SEMA4B: variants seen among roughly 807,000 people sequenced by gnomAD.
The protein encoded by SEMA4B is semaphorin 4B, also known as semaphorin-4B.
Under a neutral mutation model 88.1 loss-of-function variants are expected in SEMA4B, and 55 were observed. The observed-to-expected ratio is 0.62, with a 90% CI of 0.50 to 0.78. The LOEUF (loss-of-function observed/expected upper bound fraction) is 0.78, where lower values mean the gene tolerates loss of function less well. Ranked by LOEUF, SEMA4B falls within the 30% of genes least tolerant of loss-of-function variation. The pLI, the probability that SEMA4B is intolerant of heterozygous loss-of-function variation, is 0.00. For missense variants in SEMA4B, 1,062 were observed against 1,111.9 expected (o/e 0.96, Z 0.64); for synonymous variants, 525 against 473.6 (o/e 1.11, Z -1.41).
At chr15:90,214,596 G>A (rs1961438276) in intron 1 of SEMA4B, among the ~76,000 whole-genome samples, 1 of 131,268 alleles carries the variant, frequency 7.6e-6, no homozygotes, top group Admixed American at 8.9e-5. Context: ...TTGTGCTATT[G>A]CACTCCAGCC....
Position 90,217,777 on chromosome 15 carries a change from G to T in SEMA4B, c.332G>T (p.Gly111Val). 1 of 1,613,538 alleles carries T rather than the reference G, an allele frequency of 6.2e-7. No homozygotes were observed. Among genetic ancestry groups the T allele is most frequent in the Non-Finnish European group, 8.5e-7 (1 of 1,179,672 alleles). The change falls in exon 3 of 14, where the codon GGT (glycine) becomes GTT (valine). Residue 111 changes from glycine to valine, a missense_variant. By Grantham distance (109) the Gly-to-Val change is moderately radical. Transcript: ENST00000411539. Reference protein sequence around the residue: ...PGGEYQELLWGADAEKKQQCS... With the variant: ...PGGEYQELLWVADAEKKQQCS... Reference sequence around the variant, plus strand: ...TTTCTCATTCCCCAGCTGCTTTGGGGTGCAGACGCAGAGAAGAAACAGCAG... The same window carrying T: ...TTTCTCATTCCCCAGCTGCTTTGGGTTGCAGACGCAGAGAAGAAACAGCAG...
At chr15:90,227,853 A>G (rs1962251295) in intron 13 of SEMA4B, 51 bp from the exon 14 acceptor site, 3 of 1,601,780 alleles carry the variant, frequency 1.9e-6, no homozygotes, top group Admixed American at 1.7e-5. Context: ...GGGAGCTTGG[A>G]GCTACTGTGG....
chr15:90,224,263 C>A (rs137944710), intron 9 of SEMA4B, among the ~76,000 whole-genome samples: 1 of 152,340 alleles, frequency 6.6e-6, no homozygotes, highest in East Asian at 1.9e-4. Context: ...TTCATTTGGT[C>A]CTCTCCCCTA....
rs1328221192 is a variant in SEMA4B, at chr15:90,215,876, G to A, written c.158-1563G>A. The stretch of plus-strand genomic sequence containing the variant: ...ATATATATATTTTTAAGTATAGAAG[G>A]GCTTATTATAAAAAGCAAAAACGTC... On this transcript the variant is annotated intron_variant, in intron 1 of 13. Coordinates refer to ENST00000411539, the MANE Select transcript of SEMA4B (RefSeq NM_198925.4). 2.6e-5 allele frequency among the ~76,000 whole-genome samples: 4 copies of A among 152,102 alleles called. No homozygotes were observed. The East Asian group carries it at 7.7e-4, about 29-fold the overall frequency.
Position 90,212,504 on chromosome 15 carries a change from G to C in SEMA4B, c.158-4935G>C, listed in dbSNP as rs74037026. 0.027 allele frequency among the ~76,000 whole-genome samples: 4,138 copies of C among 152,106 alleles called. 170 individuals are homozygous for C. The highest frequency in any genetic ancestry group is 0.088 in the African/African-American group (3,663 of 41,520). On this transcript the variant is annotated intron_variant, in intron 1 of 13. Coordinates refer to ENST00000411539, the MANE Select transcript of SEMA4B (RefSeq NM_198925.4). The surrounding 1 kb of genome is among the most constrained non-coding windows in gnomAD (Gnocchi z 4.0). ...GCGAGCGAGACACTCTTTGACACAA[G>C]GGAGAGCATAAAAGCTTAAGACTGA...
chr15:90,209,728 G>T (rs1961168475), intron 1 of SEMA4B, among the ~76,000 whole-genome samples: 1 of 152,336 alleles, frequency 6.6e-6, no homozygotes, highest in East Asian at 1.9e-4. Context: ...ATCCAGGAAG[G>T]CCTCCTGGAG....
chr15:90,210,673 C>T (rs1223328509), intron 1 of SEMA4B, among the ~76,000 whole-genome samples: 2 of 152,164 alleles, frequency 1.3e-5, no homozygotes, highest in Admixed American at 6.6e-5. Context: ...GCTAGAGGCC[C>T]AGAAGGCATG....
At chr15:90,185,172 C>T (rs1446122156) in intron 1 of SEMA4B, 1 of 701,390 alleles carries the variant, frequency 1.4e-6, no homozygotes, top group East Asian at 1.3e-4. Flanking sequence ...TGCCCCCACC[C>T]TTGCACCCGC....
intron 10 of SEMA4B, 24 bp from the exon 11 acceptor site, chr15:90,225,258 G>A (rs770898150): frequency 1.3e-6 from 2 of 1,554,524 alleles, no homozygotes; most frequent in South Asian, 1.2e-5. Flanking sequence ...TCCACCCAGG[G>A]CCTGAGTCCT....
intron 1 of SEMA4B, among the ~76,000 whole-genome samples, chr15:90,210,391 A>G (rs926493138): frequency 2.6e-5 from 4 of 152,164 alleles, no homozygotes; most frequent in Admixed American, 6.5e-5. Flanking sequence ...CGTGTGACCC[A>G]GGGGCTTGAA....
rs1010605444 is a variant in SEMA4B, at chr15:90,201,335, C to A, written c.-244C>A. ...CTTCAGCCCCGCCCTCCGCCGCTTG[C>A]GGGTGAGCTCTGCCCAAGCCGAGGC... On this transcript the variant is annotated 5_prime_UTR_variant, in exon 1 of 14. Coordinates refer to ENST00000411539, the MANE Select transcript of SEMA4B (RefSeq NM_198925.4). 8.4e-7 allele frequency: 1 copy of A among 1,196,808 alleles called. No individual in the cohort carries two copies. The highest frequency in any genetic ancestry group is 1.6e-5 in the African/African-American group (1 of 62,982). The allele number at this position is 1,196,808 out of a possible 1,614,324, so 74.1% of individuals were successfully genotyped here. A position where few individuals can be genotyped will look rare whatever the true frequency, so the allele number is the denominator to read the frequency against.
intron 1 of SEMA4B, among the ~76,000 whole-genome samples, chr15:90,210,583 C>T (rs1370502342): frequency 6.6e-6 from 1 of 152,208 alleles, no homozygotes; most frequent in Non-Finnish European, 1.5e-5. Context: ...GGTAATAAAA[C>T]ACAGCAGCCT....
chr15:90,223,897 G>C lies in SEMA4B; in HGVS notation c.1103G>C (p.Arg368Thr). 1 of 1,613,924 alleles carries C rather than the reference G, an allele frequency of 6.2e-7. No individual in the cohort carries two copies. The highest frequency in any genetic ancestry group is 8.5e-7 in the Non-Finnish European group (1 of 1,179,870). The change falls in exon 9 of 14, where the codon AGA (arginine) becomes ACA (threonine). Residue 368 changes from arginine to threonine, a missense_variant. Transcript: ENST00000411539. ...GTCTTCACAATGAAGGATGTGCAGA[G>C]AGTCTTCAGCGGCCTCTACAAGGAG... ...VCVFTMKDVQRVFSGLYKEVN... is the reference protein window; with the variant it reads ...VCVFTMKDVQTVFSGLYKEVN...
chr15:90,190,011 T>C (rs549223520), intron 1 of SEMA4B, among the ~76,000 whole-genome samples: 1 of 152,332 alleles, frequency 6.6e-6, no homozygotes, highest in East Asian at 1.9e-4. Flanking sequence ...TAAGCACATG[T>C]GGCCCCGTGG....
intron 1 of SEMA4B, among the ~76,000 whole-genome samples, chr15:90,204,370 G>A (rs757445545): frequency 3.3e-5 from 5 of 152,310 alleles, no homozygotes; most frequent in Admixed American, 3.3e-4. Flanking sequence ...GAAGTGGAGC[G>A]TCCAGCTTGC....
chr15:90,217,726 C>A, intron 2 of SEMA4B, 41 bp from the exon 3 acceptor site: 1 of 1,608,614 alleles, frequency 6.2e-7, no homozygotes, highest in South Asian at 1.1e-5. Context: ...CTCAGCAAAC[C>A]CTCCATTTTG....
At chr15:90,210,144 A>G (rs1302012905) in intron 1 of SEMA4B, among the ~76,000 whole-genome samples, 1 of 152,120 alleles carries the variant, frequency 6.6e-6, no homozygotes, top group Non-Finnish European at 1.5e-5. Flanking sequence ...GCAGGATTTG[A>G]TTATAGACTG....
At chr15:90,185,922 T>G (rs1960150771) in intron 1 of SEMA4B, among the ~76,000 whole-genome samples, 6 of 121,344 alleles carry the variant, frequency 4.9e-5, no homozygotes, top group South Asian at 2.9e-4. Context: ...TTTCTTTTGG[T>G]GATTTTTTTT....
chr15:90,213,300 C>G (rs1396227065), intron 1 of SEMA4B, among the ~76,000 whole-genome samples: 1 of 152,226 alleles, frequency 6.6e-6, no homozygotes, highest in Non-Finnish European at 1.5e-5. Flanking sequence ...TAACTCTACT[C>G]TGCACACCAT....
Sources: allele counts gnomAD v4.1 joint callset (sites outside exome capture counted in the v4.1 genomes callset), GRCh38; gene constraint gnomAD v4.1.1; non-coding constraint Gnocchi (gnomAD v3.1); transcripts MANE v1.5; gene names NCBI Gene and HGNC (gene_info 2026-07-23, HGNC 2026-07-21).